Variants in GLCCI1 observed in about 807,000 individuals in gnomAD.
GLCCI1 encodes glucocorticoid-induced transcript 1 protein.
Under a neutral mutation model 52.2 loss-of-function variants are expected in GLCCI1, and 24 were observed. The observed-to-expected ratio is 0.46, with a 90% CI of 0.33 to 0.65. The LOEUF (loss-of-function observed/expected upper bound fraction) is 0.65. Ranked by LOEUF, GLCCI1 falls within the 30% of genes least tolerant of loss-of-function variation. The pLI is 0.02. For missense variants in GLCCI1, 704 were observed against 701.5 expected (o/e 1.00, Z -0.04); for synonymous variants, 310 against 276.5 (o/e 1.12, Z -1.20).
intron 4 of GLCCI1, among the ~76,000 whole-genome samples, chr7:8,056,819 C>CAGT (rs1340257277): frequency 1.3e-5 from 2 of 152,046 alleles, no homozygotes; most frequent in Non-Finnish European, 2.9e-5. Context: ...ACTGCAAATA[C>CAGT]AGTAAGATCC....
At chr7:7,988,475 A>G (rs1780780136) in intron 1 of GLCCI1, among the ~76,000 whole-genome samples, 2 of 152,190 alleles carry the variant, frequency 1.3e-5, no homozygotes, top group Non-Finnish European at 2.9e-5. Flanking sequence ...AAGAGGTCAC[A>G]TTGAGGAATT....
intron 3 of GLCCI1, among the ~76,000 whole-genome samples, chr7:8,046,131 C>T (rs1782119704): frequency 6.6e-6 from 1 of 151,142 alleles, no homozygotes; most frequent in South Asian, 2.1e-4. Context: ...GTCAAGTTGG[C>T]ATAACGGAAG....
chr7:8,055,218 T>C (rs1355366011), intron 3 of GLCCI1, among the ~76,000 whole-genome samples: 1 of 152,358 alleles, frequency 6.6e-6, no homozygotes, highest in Middle Eastern at 3.4e-3. Flanking sequence ...AATAACACTA[T>C]TCAAATTTGT....
intron 5 of GLCCI1, among the ~76,000 whole-genome samples, chr7:8,067,234 ATTTTTCTCCATCCC>A (rs774630290): frequency 3.9e-4 from 59 of 152,066 alleles, no homozygotes; most frequent in Admixed American, 5.9e-4. Context: ...TGGTTGGTAG[ATTTTTCTCCATCCC>A]TTTATTTTGA....
At chr7:8,003,513 C>G (rs1052272158) in intron 1 of GLCCI1, among the ~76,000 whole-genome samples, 2 of 152,092 alleles carry the variant, frequency 1.3e-5, no homozygotes, top group Non-Finnish European at 2.9e-5. Flanking sequence ...AAGACAATGA[C>G]TAACCATGGA....
chr7:8,084,164 G>T (rs1783051591), intron 6 of GLCCI1, among the ~76,000 whole-genome samples: 1 of 152,182 alleles, frequency 6.6e-6, no homozygotes, highest in Admixed American at 6.5e-5. Context: ...TGCCAGGTAG[G>T]AAAGGGAGAA....
intron 6 of GLCCI1, among the ~76,000 whole-genome samples, chr7:8,080,312 A>G (rs6463759): frequency 0.64 from 96,061 of 151,084 alleles, 31,131 homozygotes; most frequent in Middle Eastern, 0.66. Flanking sequence ...ATGCTTTAGT[A>G]TGTCATTGAG....
At chr7:8,050,008 A>G (rs1392533520) in intron 3 of GLCCI1, among the ~76,000 whole-genome samples, 9 of 152,232 alleles carry the variant, frequency 5.9e-5, no homozygotes, top group Admixed American at 3.9e-4. Context: ...ATACATTTCT[A>G]TATTAAAACT....
At chr7:8,036,738 C>T (rs1287900985) in intron 3 of GLCCI1, among the ~76,000 whole-genome samples, 1 of 152,044 alleles carries the variant, frequency 6.6e-6, no homozygotes, top group Non-Finnish European at 1.5e-5. Context: ...ATGAAAAATT[C>T]ATTGAATGAA....
At chr7:8,043,942 T>C (rs1782060319) in intron 3 of GLCCI1, among the ~76,000 whole-genome samples, 1 of 100,678 alleles carries the variant, frequency 9.9e-6, no homozygotes. Context: ...GTTGAAGCAC[T>C]AAATTTTTTT....
intron 1 of GLCCI1, chr7:7,982,045 A>G (rs558157232): frequency 1.6e-4 from 74 of 460,232 alleles, no homozygotes; most frequent in African/African-American, 1.4e-3. Context: ...GGGAGAAATG[A>G]AAGAGTAAAA....
chr7:8,026,341 T>C (rs1415854447), intron 3 of GLCCI1, among the ~76,000 whole-genome samples: 1 of 151,936 alleles, frequency 6.6e-6, no homozygotes, highest in East Asian at 1.9e-4. Context: ...AAAGGAAGAA[T>C]AGGTAAACAA....
At chr7:8,054,296 A>G (rs536980194) in intron 3 of GLCCI1, among the ~76,000 whole-genome samples, 1 of 152,282 alleles carries the variant, frequency 6.6e-6, no homozygotes, top group East Asian at 1.9e-4. Flanking sequence ...TGTCAGTTCA[A>G]TAGAGAGGAA....
At chr7:7,970,969 T>G (rs1209223982) in intron 1 of GLCCI1, among the ~76,000 whole-genome samples, 1 of 151,962 alleles carries the variant, frequency 6.6e-6, no homozygotes, top group Non-Finnish European at 1.5e-5. Flanking sequence ...GATGAAGGTG[T>G]TAGAGTTGGA....
At chr7:8,006,671 C>G (rs1583965651) in intron 2 of GLCCI1, among the ~76,000 whole-genome samples, 1 of 152,166 alleles carries the variant, frequency 6.6e-6, no homozygotes, top group Non-Finnish European at 1.5e-5. Flanking sequence ...TGTCCTCCCC[C>G]CACTACCCAA....
At position 8,088,956 on chromosome 7, in the gene GLCCI1, T is replaced by G. The variant is rs1783176983; in HGVS notation, c.*2418T>G. The G allele has an allele frequency of 6.5e-6, 1 of 152,688 alleles. No homozygotes were observed. Among genetic ancestry groups the G allele is most frequent in the South Asian group, 2.1e-4 (1 of 4,832 alleles). The allele number at this position is 152,688 out of a possible 1,614,324, so 9.5% of individuals were successfully genotyped here. On this transcript the variant is annotated 3_prime_UTR_variant, in exon 8 of 8. Coordinates refer to ENST00000223145, the MANE Select transcript of GLCCI1 (RefSeq NM_138426.4). ...TACTGTTTAATTCTAGCCATTGCGC[T>G]GAACAGTATTTGAGTTACCATATAA...
intron 3 of GLCCI1, among the ~76,000 whole-genome samples, chr7:8,051,550 C>T (rs1448113905): frequency 6.6e-6 from 1 of 152,146 alleles, no homozygotes; most frequent in East Asian, 1.9e-4. Flanking sequence ...TAAGCACTTC[C>T]CCCAGAAAAT....
chr7:7,997,392 C>T (rs554563726), intron 1 of GLCCI1, among the ~76,000 whole-genome samples: 12 of 152,144 alleles, frequency 7.9e-5, no homozygotes, highest in Non-Finnish European at 1.5e-4. Flanking sequence ...CCTTAGTGAA[C>T]CAATAGCAGG....
intron 5 of GLCCI1, chr7:8,070,249 A>G (rs1163141098): frequency 6.6e-6 from 1 of 152,232 alleles, no homozygotes; most frequent in East Asian, 1.9e-4. Flanking sequence ...TACTGAGAAC[A>G]AAGTATTCAA....
Sources: allele counts gnomAD v4.1 joint callset (sites outside exome capture counted in the v4.1 genomes callset), GRCh38; gene constraint gnomAD v4.1.1; transcripts MANE v1.5; gene names NCBI Gene and HGNC (gene_info 2026-07-23, HGNC 2026-07-21).